Variants in FGF14 observed in about 807,000 individuals in gnomAD.
FGF14 encodes fibroblast growth factor 14.
FGF14 carries 5 observed loss-of-function variants against 25.5 expected under a neutral mutation model. That is an observed-to-expected ratio of 0.20 (90% CI 0.10 to 0.41). FGF14 has a LOEUF of 0.41. FGF14 is among the 10% of genes least tolerant of loss of function. The pLI, the probability that FGF14 is intolerant of heterozygous loss-of-function variation, is 1.00. For synonymous variants in FGF14, 138 were observed against 118.3 expected (o/e 1.17, Z -1.08); for missense variants, 222 against 320.1 (o/e 0.69, Z 2.34).
intron 1 of FGF14, among the ~76,000 whole-genome samples, chr13:102,330,324 A>C (rs1019228881): frequency 1.3e-5 from 2 of 152,054 alleles, no homozygotes; most frequent in Admixed American, 6.6e-5. Flanking sequence ...ATTGTGAACC[A>C]ATTTTCTCTG....
At chr13:102,292,861 T>A (rs2054499151) in intron 1 of FGF14, 1 of 152,218 alleles carries the variant, frequency 6.6e-6, no homozygotes. Context: ...TTGGCACATG[T>A]GACATCTGGA....
At chr13:102,208,694 A>C (rs2050041053) in intron 1 of FGF14, among the ~76,000 whole-genome samples, 1 of 152,202 alleles carries the variant, frequency 6.6e-6, no homozygotes, top group Non-Finnish European at 1.5e-5. Flanking sequence ...ATGTGAGTAT[A>C]TTGCAGTTGA....
At chr13:102,374,645 TATATA>T (rs2057986354) in intron 1 of FGF14, among the ~76,000 whole-genome samples, 3 of 698 alleles carry the variant, frequency 4.3e-3, no homozygotes, top group Non-Finnish European at 9.3e-3. Context: ...TTACATATTT[TATATA>T]TATATATATA....
rs2047692328 is a variant in FGF14, at chr13:102,161,615, A to AG, written c.208+239855dup. ...AAGAAGAAGAAGAAGAAGAAGAAGA[A>AG]GAAGAAGAAGAAGAAGAAGAAGAAG... On this transcript the variant is annotated intron_variant, in intron 1 of 4. Coordinates refer to the FGF14 transcript ENST00000376131. 1.1e-3 allele frequency among the ~76,000 whole-genome samples: 7 copies of AG among 6,212 alleles called. 1 individual carries two copies. Among genetic ancestry groups the AG allele is most frequent in the Non-Finnish European group, 7.6e-4 (3 of 3,948 alleles). 4.1% of individuals were successfully genotyped at this position (6,212 alleles called of 152,430 possible). A position where few individuals can be genotyped will look rare whatever the true frequency, so the allele number is the denominator to read the frequency against.
At chr13:102,390,205 T>A (rs1339171731) in intron 1 of FGF14, among the ~76,000 whole-genome samples, 1 of 152,012 alleles carries the variant, frequency 6.6e-6, no homozygotes, top group Non-Finnish European at 1.5e-5. Context: ...AGGAACAGAA[T>A]GGAAATAAGA....
At chr13:102,036,275 T>A (rs959680024) in intron 1 of FGF14, among the ~76,000 whole-genome samples, 5 of 152,148 alleles carry the variant, frequency 3.3e-5, no homozygotes, top group Non-Finnish European at 5.9e-5. Flanking sequence ...ATGTAAGGTG[T>A]TCTTGGTAAA....
At chr13:102,071,332 A>C (rs1167962657) in intron 1 of FGF14, among the ~76,000 whole-genome samples, 2 of 152,166 alleles carry the variant, frequency 1.3e-5, no homozygotes, top group Non-Finnish European at 2.9e-5. Flanking sequence ...TATACATATA[A>C]ATCACAGTAA....
intron 1 of FGF14, among the ~76,000 whole-genome samples, chr13:102,040,319 A>G (rs1227197402): frequency 6.6e-6 from 1 of 152,192 alleles, no homozygotes; most frequent in African/African-American, 2.4e-5. Context: ...GCAAATAATC[A>G]TATTTGTCTT....
At chr13:102,114,703 T>C (rs1159898046) in intron 1 of FGF14, among the ~76,000 whole-genome samples, 4 of 152,098 alleles carry the variant, frequency 2.6e-5, no homozygotes, top group African/African-American at 9.7e-5. Context: ...TTGAGAACAT[T>C]ATGGTAAGCA....
At chr13:102,138,188 G>T (rs2046495097) in intron 1 of FGF14, among the ~76,000 whole-genome samples, 1 of 124,732 alleles carries the variant, frequency 8.0e-6, no homozygotes, top group African/African-American at 3.0e-5. Flanking sequence ...CTAACTTATG[G>T]CCCTAAGACA....
chr13:102,308,916 C>CAAAAAA lies in FGF14; in HGVS notation c.208+92549_208+92554dup, dbSNP rs71125061. Among the ~76,000 whole-genome samples the CAAAAAA allele has an allele frequency of 1.6e-3, 101 of 61,986 alleles. 1 individual carries two copies. The highest frequency in any genetic ancestry group is 7.1e-3 in the African/African-American group (96 of 13,526). The allele number at this position is 61,986 out of a possible 152,430, so 40.7% of individuals were successfully genotyped here. Reference sequence around the variant, plus strand: ...ATATGAACTAGGAGGGTTTCTTATACAAAAAAAAAAAAAAAAAACACAAAA... The same window carrying CAAAAAA: ...ATATGAACTAGGAGGGTTTCTTATACAAAAAAAAAAAAAAAAAAAAAAAACACAAAA... On this transcript the variant is annotated intron_variant, in intron 1 of 4. Transcript: ENST00000376131.
chr13:102,298,057 C>T (rs2054823051), intron 1 of FGF14, among the ~76,000 whole-genome samples: 1 of 151,898 alleles, frequency 6.6e-6, no homozygotes, highest in African/African-American at 2.4e-5. Context: ...TTGCAAAAGA[C>T]AGAGTTATTT....
chr13:101,981,659 C>A (rs2038275742), intron 1 of FGF14, among the ~76,000 whole-genome samples: 1 of 151,856 alleles, frequency 6.6e-6, no homozygotes, highest in South Asian at 2.1e-4. Context: ...ACAACAACAA[C>A]AACAACAACA....
intron 1 of FGF14, among the ~76,000 whole-genome samples, chr13:102,127,788 G>A (rs191326964): frequency 2.9e-4 from 44 of 152,312 alleles, no homozygotes; most frequent in African/African-American, 8.9e-4. Flanking sequence ...AAATTAACAC[G>A]AGTGGTGTTC....
At chr13:102,202,693 GT>G (rs2049718709) in intron 1 of FGF14, among the ~76,000 whole-genome samples, 1 of 152,180 alleles carries the variant, frequency 6.6e-6, no homozygotes, top group Non-Finnish European at 1.5e-5. Context: ...CTGACCTAGT[GT>G]GCTTAGAGTT....
intron 1 of FGF14, among the ~76,000 whole-genome samples, chr13:102,059,331 G>C (rs187846332): frequency 1.3e-5 from 2 of 152,260 alleles, no homozygotes; most frequent in East Asian, 1.9e-4. Context: ...CAATCACAAT[G>C]AAAGACAGAG....
chr13:101,816,285 A>T (rs1045104916), intron 3 of FGF14, among the ~76,000 whole-genome samples: 1 of 150,104 alleles, frequency 6.7e-6, no homozygotes. Context: ...AAAAAAAAAA[A>T]TTTGGCTTAC....
chr13:102,370,544 C>G (rs554702618), intron 1 of FGF14, among the ~76,000 whole-genome samples: 47 of 152,184 alleles, frequency 3.1e-4, no homozygotes, highest in African/African-American at 1.1e-3. Flanking sequence ...CACCACCACA[C>G]CTGGCCATGA....
chr13:102,148,804 ATTAAT>A (rs909376757), intron 1 of FGF14, among the ~76,000 whole-genome samples: 3 of 152,164 alleles, frequency 2.0e-5, no homozygotes, highest in Non-Finnish European at 2.9e-5. Flanking sequence ...AAAATAATTA[ATTAAT>A]TTAATTTAAT....
Sources: allele counts gnomAD v4.1 joint callset (sites outside exome capture counted in the v4.1 genomes callset), GRCh38; gene constraint gnomAD v4.1.1; transcripts MANE v1.5; gene names NCBI Gene and HGNC (gene_info 2026-07-23, HGNC 2026-07-21).